Variants in ADAM32 observed in about 807,000 individuals in gnomAD.
ADAM32 encodes the protein ADAM metallopeptidase domain 32, also known as disintegrin and metalloproteinase domain-containing protein 32.
A neutral mutation model predicts 114.9 loss-of-function variants in ADAM32; 89 were observed. The ratio of observed to expected loss-of-function variants is 0.77; its 90% CI spans 0.65 to 0.92. The LOEUF (loss-of-function observed/expected upper bound fraction) is 0.92, where lower values mean the gene tolerates loss of function less well. Ranked by LOEUF, ADAM32 falls within the 40% of genes least tolerant of loss-of-function variation. The pLI, the probability that ADAM32 is intolerant of heterozygous loss-of-function variation, is 0.00. For missense variants in ADAM32, 870 were observed against 932.8 expected, an observed-to-expected ratio of 0.93 and a Z score of 0.88; for synonymous variants, 285 against 307.5, an observed-to-expected ratio of 0.93 and a Z score of 0.77.
At chr8:39,233,018 A>G (rs905184453) in intron 15 of ADAM32, among the ~76,000 whole-genome samples, 4 of 152,172 alleles carry the variant, frequency 2.6e-5, no homozygotes, top group Non-Finnish European at 5.9e-5. Context: ...TGAATTGATT[A>G]TTTGACAGTA....
intron 11 of ADAM32, among the ~76,000 whole-genome samples, chr8:39,199,480 A>G (rs924266675): frequency 4.6e-5 from 7 of 152,168 alleles, no homozygotes; most frequent in African/African-American, 1.4e-4. Flanking sequence ...CTGGTCTACT[A>G]TGGAAACTCT....
At position 39,251,782 on chromosome 8, in the gene ADAM32, A is replaced by C. The variant is rs568812214; in HGVS notation, c.1903-2632A>C. Among the ~76,000 whole-genome samples the C allele has an allele frequency of 6.4e-4, 97 of 151,992 alleles. 1 individual carries two copies. Among genetic ancestry groups the C allele is most frequent in the Non-Finnish European group, 1.2e-3 (82 of 67,766 alleles). On this transcript the variant is annotated intron_variant, in intron 17 of 24. Coordinates refer to ENST00000379907, the MANE Select transcript of ADAM32 (RefSeq NM_145004.7). Reference sequence around the variant, plus strand: ...TGTGCTTTTGAGGTTATATCCAAAAAATAATTACATAATCAGTGTCTTAGA... The same window carrying C: ...TGTGCTTTTGAGGTTATATCCAAAACATAATTACATAATCAGTGTCTTAGA...
At chr8:39,137,989 A>G (rs548430476) in intron 3 of ADAM32, among the ~76,000 whole-genome samples, 2 of 152,282 alleles carry the variant, frequency 1.3e-5, no homozygotes, top group South Asian at 4.1e-4. Flanking sequence ...AGAAATTGAG[A>G]GACCAGAGCT....
chr8:39,161,651 A>G (rs1481630132), intron 7 of ADAM32, among the ~76,000 whole-genome samples: 1 of 152,206 alleles, frequency 6.6e-6, no homozygotes, highest in Non-Finnish European at 1.5e-5. Context: ...ATTTGTGTAT[A>G]CCTATGGAAT....
At chr8:39,124,797 G>A (rs145441600) in intron 2 of ADAM32, among the ~76,000 whole-genome samples, 1 of 152,232 alleles carries the variant, frequency 6.6e-6, no homozygotes, top group East Asian at 1.9e-4. Flanking sequence ...GAATACTGCT[G>A]CAATAAACAT....
intron 4 of ADAM32, 38 bp downstream of exon 4, chr8:39,147,243 A>AT (rs745646404): frequency 1.1e-5 from 9 of 831,424 alleles, no homozygotes; most frequent in South Asian, 3.8e-5. Flanking sequence ...TTTTTTTTAA[A>AT]TTTTTTTACA....
At chr8:39,122,959 C>T (rs148331091) in intron 2 of ADAM32, among the ~76,000 whole-genome samples, 285 of 152,278 alleles carry the variant, frequency 1.9e-3, no homozygotes, top group African/African-American at 6.6e-3. Flanking sequence ...CTAACCCAAG[C>T]TCACAAAGAT....
chr8:39,120,761 CA>C (rs748561734), intron 2 of ADAM32, among the ~76,000 whole-genome samples: 5,706 of 99,448 alleles, frequency 0.057, 158 homozygotes, highest in African/African-American at 0.16. Flanking sequence ...GACTCCGTCT[CA>C]AAAAAAAAAA....
chr8:39,164,153 C>T (rs1009683374), intron 7 of ADAM32, among the ~76,000 whole-genome samples: 6 of 152,320 alleles, frequency 3.9e-5, no homozygotes, highest in South Asian at 2.1e-4. Flanking sequence ...ATCCCCTGCC[C>T]GCTTCTGAGC....
At chr8:39,213,507 T>C (rs1374216826) in intron 12 of ADAM32, among the ~76,000 whole-genome samples, 1 of 152,154 alleles carries the variant, frequency 6.6e-6, no homozygotes, top group Non-Finnish European at 1.5e-5. Flanking sequence ...TTTCTAATTT[T>C]TGTGGGTAGT....
At chr8:39,186,403 G>A (rs555302996) in intron 10 of ADAM32, among the ~76,000 whole-genome samples, 121 of 152,294 alleles carry the variant, frequency 7.9e-4, no homozygotes, top group Non-Finnish European at 1.4e-3. Flanking sequence ...CAATCTGAAG[G>A]ATCTGTTTTC....
chr8:39,268,619 C>A (rs1194573561), intron 19 of ADAM32, among the ~76,000 whole-genome samples: 1 of 152,056 alleles, frequency 6.6e-6, no homozygotes, highest in Admixed American at 6.6e-5. Context: ...GTATCAATTT[C>A]TTTTTTTATA....
intron 22 of ADAM32, among the ~76,000 whole-genome samples, chr8:39,279,101 T>C (rs1813268417): frequency 6.6e-6 from 1 of 152,234 alleles, no homozygotes; most frequent in Admixed American, 6.5e-5. Context: ...TGATAGAATT[T>C]GTTTTTATTT....
intron 2 of ADAM32, among the ~76,000 whole-genome samples, chr8:39,123,040 G>T (rs1801872645): frequency 1.3e-5 from 2 of 152,172 alleles, no homozygotes; most frequent in Admixed American, 1.3e-4. Context: ...ATGGTGTGAG[G>T]TCAGGATATA....
At chr8:39,132,751 G>T (rs1215249380) in intron 2 of ADAM32, among the ~76,000 whole-genome samples, 1 of 130,352 alleles carries the variant, frequency 7.7e-6, no homozygotes, top group Non-Finnish European at 1.8e-5. Context: ...TTAGTTGACA[G>T]ATTTTTTTTT....
chr8:39,239,903 A>G (rs191098993), intron 16 of ADAM32, among the ~76,000 whole-genome samples: 1 of 152,330 alleles, frequency 6.6e-6, no homozygotes, highest in East Asian at 1.9e-4. Context: ...ATATACACCT[A>G]ACACTAGAGC....
chr8:39,281,212 G>A, intron 23 of ADAM32, 38 bp downstream of exon 23: 3 of 1,228,042 alleles, frequency 2.4e-6, no homozygotes, highest in Non-Finnish European at 3.2e-6. Context: ...AAATAAGTAT[G>A]TTGAAAATTC....
chr8:39,269,311 C>G (rs1812567250), intron 19 of ADAM32, among the ~76,000 whole-genome samples: 1 of 152,180 alleles, frequency 6.6e-6, no homozygotes, highest in South Asian at 2.1e-4. Flanking sequence ...TTCCTTCTCT[C>G]AAAGTTCGCT....
chr8:39,284,020 C>G (rs13253907), intron 24 of ADAM32, among the ~76,000 whole-genome samples: 41,483 of 151,954 alleles, frequency 0.27, 6,768 homozygotes, highest in Non-Finnish European at 0.37. Flanking sequence ...GTGATCTGCC[C>G]CCCTCAGCCT....
Sources: allele counts gnomAD v4.1 joint callset (sites outside exome capture counted in the v4.1 genomes callset), GRCh38; gene constraint gnomAD v4.1.1; transcripts MANE v1.5; gene names NCBI Gene and HGNC (gene_info 2026-07-23, HGNC 2026-07-21).